NRG1: variants seen among roughly 807,000 people sequenced by gnomAD.
NRG1 encodes the protein neuregulin 1, also known as pro-neuregulin-1, membrane-bound isoform.
NRG1 carries 18 observed loss-of-function variants against 63.8 expected under a neutral mutation model. The observed-to-expected ratio is 0.28, with a 90% CI of 0.19 to 0.42. The LOEUF (loss-of-function observed/expected upper bound fraction) is 0.42, where lower values mean the gene tolerates loss of function less well. NRG1 is among the 10% of genes least tolerant of loss of function. NRG1 has a pLI of 1.00. For missense variants in NRG1, 762 were observed against 814.7 expected (o/e 0.94, Z 0.79); for synonymous variants, 302 against 301.3 (o/e 1.00, Z -0.02).
chr8:32,164,498 G>C (rs1295986729), intron 1 of NRG1, among the ~76,000 whole-genome samples: 1 of 151,988 alleles, frequency 6.6e-6, no homozygotes, highest in Non-Finnish European at 1.5e-5. Flanking sequence ...AGGTTTTATG[G>C]GATAATAAAA....
At chr8:32,403,489 C>G (rs1466410879) in intron 1 of NRG1, among the ~76,000 whole-genome samples, 1 of 152,044 alleles carries the variant, frequency 6.6e-6, no homozygotes, top group East Asian at 1.9e-4. Context: ...TCTAGTTGCA[C>G]AGTCTTATAG....
At chr8:31,958,044 C>CAGATAGTTAGAT (rs1554585858) in intron 1 of NRG1, among the ~76,000 whole-genome samples, 2 of 145,840 alleles carry the variant, frequency 1.4e-5, no homozygotes, top group Non-Finnish European at 3.0e-5. Flanking sequence ...CAGTAGAGAC[C>CAGATAGTTAGAT]AGATAGATAG....
At chr8:32,658,167 T>G (rs565192675) in intron 5 of NRG1, among the ~76,000 whole-genome samples, 1 of 152,320 alleles carries the variant, frequency 6.6e-6, no homozygotes, top group African/African-American at 2.4e-5. Flanking sequence ...ACATAGCCGC[T>G]GCCTATTTAG....
rs1246497420 is a variant in NRG1, at chr8:31,937,532, C to A, written c.37+298101C>A. On this transcript the variant is annotated intron_variant, in intron 1 of 10. Transcript: ENST00000519301. Reference sequence around the variant, plus strand: ...AGAATCCACAGACCCTTTGAGGGAACTGGATCATCTTTGCAGACTCCCTGA... The same window carrying A: ...AGAATCCACAGACCCTTTGAGGGAAATGGATCATCTTTGCAGACTCCCTGA... Among the ~76,000 whole-genome samples, 3 of 152,134 alleles carry A rather than the reference C, an allele frequency of 2.0e-5. No individual in the cohort carries two copies. In the East Asian group the frequency reaches 5.8e-4, roughly 29 times the overall value.
At chr8:31,666,151 G>A (rs1314576090) in intron 1 of NRG1, among the ~76,000 whole-genome samples, 1 of 152,178 alleles carries the variant, frequency 6.6e-6, no homozygotes, top group African/African-American at 2.4e-5. Flanking sequence ...CCCAGTAGTA[G>A]GGAGCCATTG....
chr8:32,346,141 C>A (rs1804864103), intron 1 of NRG1, among the ~76,000 whole-genome samples: 2 of 141,440 alleles, frequency 1.4e-5, no homozygotes, highest in African/African-American at 2.6e-5. Flanking sequence ...AAATTATATA[C>A]CTATAAATTA....
intron 5 of NRG1, among the ~76,000 whole-genome samples, chr8:32,627,848 A>T (rs1194365284): frequency 6.6e-6 from 1 of 152,224 alleles, no homozygotes; most frequent in Admixed American, 6.5e-5. Context: ...AAGAGCAGTG[A>T]CTAACTGACA....
At chr8:32,474,896 T>G (rs868401465) in intron 1 of NRG1, among the ~76,000 whole-genome samples, 1 of 152,104 alleles carries the variant, frequency 6.6e-6, no homozygotes, top group Non-Finnish European at 1.5e-5. Flanking sequence ...ATGGCCTCAT[T>G]TGTCGATTTG....
At chr8:32,206,945 A>G (rs1224505915) in intron 1 of NRG1, among the ~76,000 whole-genome samples, 1 of 152,178 alleles carries the variant, frequency 6.6e-6, no homozygotes, top group African/African-American at 2.4e-5. Flanking sequence ...ATTATTGTGA[A>G]ATAAAAATTA....
intron 1 of NRG1, among the ~76,000 whole-genome samples, chr8:32,121,629 G>A (rs1371710472): frequency 3.3e-5 from 5 of 151,918 alleles, no homozygotes; most frequent in Admixed American, 2.6e-4. Context: ...TGAAAATTTT[G>A]GAGCATTGTT....
chr8:32,536,266 G>T (rs780063250), intron 1 of NRG1, among the ~76,000 whole-genome samples: 5 of 152,074 alleles, frequency 3.3e-5, no homozygotes, highest in African/African-American at 1.2e-4. Context: ...GGATTAATTC[G>T]TTGTAGCTGT....
At chr8:31,825,415 A>C (rs1222493565) in intron 1 of NRG1, among the ~76,000 whole-genome samples, 2 of 152,166 alleles carry the variant, frequency 1.3e-5, no homozygotes, top group Middle Eastern at 3.2e-3. Flanking sequence ...TTTTATACTT[A>C]AGTTTTTCTA....
At chr8:32,482,883 T>C (rs904162668) in intron 1 of NRG1, among the ~76,000 whole-genome samples, 7 of 152,222 alleles carry the variant, frequency 4.6e-5, no homozygotes, top group Admixed American at 4.6e-4. Flanking sequence ...CCAGCAGTTC[T>C]TACACCAGGT....
At chr8:32,652,940 G>A (rs563842848) in intron 5 of NRG1, among the ~76,000 whole-genome samples, 2 of 152,214 alleles carry the variant, frequency 1.3e-5, no homozygotes, top group East Asian at 1.9e-4. Context: ...AAAAACCAAA[G>A]CATAAAAAGT....
At chr8:31,813,158 C>A (rs1273847120) in intron 1 of NRG1, among the ~76,000 whole-genome samples, 1 of 152,080 alleles carries the variant, frequency 6.6e-6, no homozygotes, top group Non-Finnish European at 1.5e-5. Context: ...TAGTATTATA[C>A]CTTTTGCATA....
chr8:32,251,248 C>G (rs900506323), intron 1 of NRG1, among the ~76,000 whole-genome samples: 1 of 152,036 alleles, frequency 6.6e-6, no homozygotes, highest in Non-Finnish European at 1.5e-5. Flanking sequence ...TGATGTTCCC[C>G]TCCCTGTGTC....
chr8:31,758,537 A>T (rs1817216303), intron 1 of NRG1, among the ~76,000 whole-genome samples: 1 of 151,794 alleles, frequency 6.6e-6, no homozygotes, highest in Admixed American at 6.6e-5. Flanking sequence ...GTGCAGCCAT[A>T]AAAAAGGATG....
At chr8:32,333,867 C>T (rs1020589064) in intron 1 of NRG1, among the ~76,000 whole-genome samples, 1 of 152,142 alleles carries the variant, frequency 6.6e-6, no homozygotes, top group Non-Finnish European at 1.5e-5. Flanking sequence ...GTTGTGTAAA[C>T]ACAACAGATT....
At chr8:32,372,876 AC>A (rs1390175406) in intron 1 of NRG1, among the ~76,000 whole-genome samples, 15 of 152,048 alleles carry the variant, frequency 9.9e-5, no homozygotes, top group Non-Finnish European at 4.4e-5. Context: ...GCAAAGAAAA[AC>A]CCATCCCCTG....
Sources: gnomAD v4.1 joint callset for allele counts (sites outside exome capture counted in the v4.1 genomes callset) on GRCh38, gnomAD v4.1.1 for gene constraint, MANE v1.5 for transcripts, NCBI Gene and HGNC (gene_info 2026-07-23, HGNC 2026-07-21) for gene names.